The following DRC4 variants were observed in gnomAD, a reference collection of about 807,000 sequenced individuals.
The protein encoded by DRC4 is GAS-11.
At chr16:90,036,909 C>T in the DRC4 span, 163 of 556,190 alleles carry the variant, frequency 2.9e-4, no homozygotes, top group African/African-American at 2.9e-3. Context: ...GTGTCATAGT[C>T]ACTGCCTGCG....
At chr16:90,043,206 A>G in the DRC4 span, 1 of 1,612,026 alleles carries the variant, frequency 6.2e-7, no homozygotes, top group Non-Finnish European at 8.5e-7. Context: ...GCCCATAACG[A>G]CCTGCTGCGC....
chr16:90,025,574 C>T, the DRC4 span, among the ~76,000 whole-genome samples: 22 of 144,442 alleles, frequency 1.5e-4, no homozygotes, highest in Admixed American at 1.2e-3. Context: ...GGCTTGAATC[C>T]GGGAGGCGGA....
the DRC4 span, chr16:90,031,281 C>G: frequency 6.2e-7 from 1 of 1,611,052 alleles, no homozygotes; most frequent in Non-Finnish European, 8.5e-7. Context: ...CCTCACCTGA[C>G]CCACTGCACC....
At chr16:90,029,168 G>A in the DRC4 span, 3 of 1,351,320 alleles carry the variant, frequency 2.2e-6, no homozygotes, top group Non-Finnish European at 3.0e-6. Context: ...CAGGCTACGG[G>A]GCAGCTTACG....
the DRC4 span, chr16:90,044,619 T>C: frequency 4.2e-6 from 2 of 471,012 alleles, no homozygotes; most frequent in Admixed American, 2.3e-5. Flanking sequence ...TCTGGGTCTG[T>C]GTAGCTGGGG....
At chr16:90,037,281 T>C in the DRC4 span, 4 of 1,613,702 alleles carry the variant, frequency 2.5e-6, no homozygotes, top group Non-Finnish European at 1.7e-6. Context: ...GAGAGGGAGA[T>C]GGCAGAGGTG....
the DRC4 span, among the ~76,000 whole-genome samples, chr16:90,038,982 G>A: frequency 6.6e-5 from 10 of 152,216 alleles, no homozygotes; most frequent in East Asian, 1.9e-4. Flanking sequence ...AACACAAACC[G>A]TTGTAGTGGG....
the DRC4 span, chr16:90,042,559 T>C: frequency 6.2e-7 from 1 of 1,600,384 alleles, no homozygotes; most frequent in Non-Finnish European, 8.6e-7. Context: ...CTGCCCTCCC[T>C]CAGGGGCACC....
chr16:90,037,637 T>C, the DRC4 span: 1 of 1,050,908 alleles, frequency 9.5e-7, no homozygotes, highest in Non-Finnish European at 1.5e-6. Flanking sequence ...CTCAGCTGCT[T>C]GTGTCCTGGA....
At chr16:90,035,183 G>A in the DRC4 span, among the ~76,000 whole-genome samples, 3 of 152,192 alleles carry the variant, frequency 2.0e-5, no homozygotes, top group African/African-American at 7.2e-5. Flanking sequence ...GATTACAGGC[G>A]TGAGCCACTG....
the DRC4 span, chr16:90,031,324 G>GGGA: frequency 1.2e-6 from 2 of 1,613,218 alleles, no homozygotes; most frequent in East Asian, 4.5e-5. Flanking sequence ...AGCCGCATCC[G>GGGA]GGAGGAGCTG....
At chr16:90,027,979 A>C in the DRC4 span, 8 of 479,294 alleles carry the variant, frequency 1.7e-5, no homozygotes, top group East Asian at 2.7e-4. Context: ...TTTCTGATCT[A>C]AAAGCTGTTT....
At chr16:90,019,792 T>C in the DRC4 span, 1 of 688,822 alleles carries the variant, frequency 1.5e-6, no homozygotes. This position sits in a 1 kb window ranked among gnomAD's most constrained non-coding sequence, Gnocchi z 6.1. Flanking sequence ...GGGCGCCGAC[T>C]GTGTGCGGGC....
At chr16:90,029,246 G>T in the DRC4 span, 3,018 of 1,225,208 alleles carry the variant, frequency 2.5e-3, 66 homozygotes, top group African/African-American at 0.045. Context: ...ATCGCACGTT[G>T]AGCCACAGAC....
chr16:90,036,620 T>A, the DRC4 span: 2 of 1,541,744 alleles, frequency 1.3e-6, no homozygotes, highest in Non-Finnish European at 1.8e-6. Flanking sequence ...GGAGGCACAC[T>A]CTGCCTGTCC....
chr16:90,028,246 GC>G, the DRC4 span, among the ~76,000 whole-genome samples: 5 of 140,214 alleles, frequency 3.6e-5, no homozygotes, highest in African/African-American at 1.3e-4. Context: ...GTGCAGTGGC[GC>G]GATCTCGGCT....
chr16:90,040,503 G>T, the DRC4 span: 1 of 1,598,684 alleles, frequency 6.3e-7, no homozygotes. Flanking sequence ...TGTCCCGCAA[G>T]CTGGAGGTAG....
chr16:90,024,088 T>G, the DRC4 span, among the ~76,000 whole-genome samples: 3 of 148,260 alleles, frequency 2.0e-5, no homozygotes, highest in African/African-American at 7.5e-5. Flanking sequence ...GAGACCAGCC[T>G]GGCCAACATG....
chr16:90,019,650 G>T, the DRC4 span: 1 of 429,532 alleles, frequency 2.3e-6, no homozygotes, highest in Non-Finnish European at 4.1e-6. The surrounding 1 kb of genome is among the most constrained non-coding windows in gnomAD (Gnocchi z 6.1). Flanking sequence ...CGCGGGCCGC[G>T]CCCCGCCGCG....
Sources: allele counts gnomAD v4.1 joint callset (sites outside exome capture counted in the v4.1 genomes callset), GRCh38; gene constraint gnomAD v4.1.1; non-coding constraint Gnocchi (gnomAD v3.1); transcripts MANE v1.5; gene names NCBI Gene and HGNC (gene_info 2026-07-23, HGNC 2026-07-21).